UGT2A3: variants seen among roughly 807,000 people sequenced by gnomAD.
UGT2A3 encodes the protein UDP-glucuronosyltransferase 2A3.
In UGT2A3, 55 loss-of-function variants were observed where a neutral mutation model predicts 44.1. The ratio of observed to expected loss-of-function variants is 1.25; its 90% CI spans 1.00 to 1.56. The LOEUF is 1.56. UGT2A3 is among the 40% of genes most tolerant of loss of function. The probability of loss-of-function intolerance (pLI) is 0.00; values close to 1 mark genes in which losing one functional copy is unlikely to be tolerated. For synonymous variants in UGT2A3, 243 were observed against 215.1 expected, an observed-to-expected ratio of 1.13 and a Z score of -1.13; for missense variants, 733 against 621.6, an observed-to-expected ratio of 1.18 and a Z score of -1.91.
At chr4:68,944,896 A>G (rs1441693362) in intron 2 of UGT2A3, among the ~76,000 whole-genome samples, 1 of 151,624 alleles carries the variant, frequency 6.6e-6, no homozygotes, top group Non-Finnish European at 1.5e-5. Context: ...CTCACTCACC[A>G]ACTCCTGTGG....
intron 1 of UGT2A3, 86 bp downstream of exon 1, chr4:68,950,960 C>CAT: frequency 2.2e-6 from 2 of 918,536 alleles, no homozygotes; most frequent in East Asian, 2.8e-5. Context: ...CATTGACCTG[C>CAT]ATATATATGT....
chr4:68,930,433 A>C, intron 5 of UGT2A3, 113 bp downstream of exon 5: 2 of 1,029,048 alleles, frequency 1.9e-6, no homozygotes, highest in Non-Finnish European at 2.8e-6. Flanking sequence ...GAATGACTCA[A>C]TATTGTGGAG....
intron 2 of UGT2A3, among the ~76,000 whole-genome samples, chr4:68,944,683 C>T (rs80018150): frequency 0.21 from 31,874 of 151,586 alleles, 3,489 homozygotes; most frequent in East Asian, 0.34. Context: ...TTGTTTTTCT[C>T]AAATGGCTTT....
intron 2 of UGT2A3, chr4:68,943,314 C>T: frequency 7.9e-7 from 1 of 1,269,884 alleles, no homozygotes. Context: ...AGCTCTCCTT[C>T]TGTATTTCTA....
At chr4:68,930,272 G>A (rs1359633286) in intron 5 of UGT2A3, among the ~76,000 whole-genome samples, 180 bp from the exon 6 acceptor site, 1 of 152,054 alleles carries the variant, frequency 6.6e-6, no homozygotes, top group Non-Finnish European at 1.5e-5. Flanking sequence ...TGGAGAGACT[G>A]AAAGAGTATA....
intron 1 of UGT2A3, among the ~76,000 whole-genome samples, chr4:68,948,213 T>C (rs1718451035): frequency 1.3e-5 from 2 of 151,810 alleles, no homozygotes; most frequent in Admixed American, 1.3e-4. Context: ...TCTGCATGAC[T>C]TCCTATTGCT....
At chr4:68,948,899 G>C (rs1718480769) in intron 1 of UGT2A3, among the ~76,000 whole-genome samples, 1 of 151,740 alleles carries the variant, frequency 6.6e-6, no homozygotes, top group Non-Finnish European at 1.5e-5. Context: ...CAAGAGGCAT[G>C]GCACCAACAT....
chr4:68,934,208 A>T (rs185936081), intron 2 of UGT2A3, among the ~76,000 whole-genome samples: 1 of 152,146 alleles, frequency 6.6e-6, no homozygotes, highest in East Asian at 1.9e-4. Flanking sequence ...AAAACAAAAG[A>T]AACTTGGAAA....
At chr4:68,943,756 T>C (rs991502712) in intron 2 of UGT2A3, among the ~76,000 whole-genome samples, 1 of 151,802 alleles carries the variant, frequency 6.6e-6, no homozygotes, top group African/African-American at 2.4e-5. Context: ...CACTGCCTCC[T>C]GGTAACCACC....
chr4:68,942,504 G>GATATATATATATATATATATATATAT (rs34118122), intron 2 of UGT2A3, among the ~76,000 whole-genome samples: 5 of 131,020 alleles, frequency 3.8e-5, no homozygotes, highest in Admixed American at 8.5e-5. Flanking sequence ...TTCCACTGGA[G>GATATATATATATATATATATATATAT]ATATATATAT....
intron 2 of UGT2A3, among the ~76,000 whole-genome samples, chr4:68,944,258 A>G (rs1463007606): frequency 6.6e-6 from 1 of 151,770 alleles, no homozygotes; most frequent in African/African-American, 2.4e-5. Context: ...CTTCCAGTGT[A>G]AACAAGTTCC....
rs552555637 is a variant in UGT2A3 at position 68,932,843 on chromosome 4, A to G, written c.865-84T>C. 22 of 1,340,168 alleles carry G rather than the reference A, an allele frequency of 1.6e-5. No individual in the cohort carries two copies. In the South Asian group the frequency reaches 2.9e-4, roughly 18 times the overall value. 83.0% of individuals were successfully genotyped at this position (1,340,168 alleles called of 1,614,324 possible). On this transcript the variant is annotated intron_variant, in intron 2 of 5. Transcript: ENST00000251566. ...GGTTACTTACACTTCTAAAATAAAT[A>G]CTTGAGAAATTATTAATGTGTAGTT...
At chr4:68,935,276 G>GTATATATATATATATATATATA (rs57286694) in intron 2 of UGT2A3, among the ~76,000 whole-genome samples, 3 of 60,136 alleles carry the variant, frequency 5.0e-5, no homozygotes, top group African/African-American at 1.0e-4. Context: ...ATGTATGTAT[G>GTATATATATATATATATATATA]TATATATATA....
chr4:68,943,258 G>T, intron 2 of UGT2A3: 1 of 1,103,884 alleles, frequency 9.1e-7, no homozygotes, highest in Non-Finnish European at 1.2e-6. Context: ...TGGGAATAAA[G>T]GGTAGAATGG....
chr4:68,929,526 G>A lies in UGT2A3; in HGVS notation c.*287C>T. On this transcript the variant is annotated 3_prime_UTR_variant, in exon 6 of 6. Transcript: ENST00000251566. Reference sequence around the variant, plus strand: ...TATTGCATGTCACCCTATCACTTAAGGTTATAGAAGTAATGACATCATCAA... The same window carrying A: ...TATTGCATGTCACCCTATCACTTAAAGTTATAGAAGTAATGACATCATCAA... The A allele has an allele frequency of 4.0e-6, 1 of 249,628 alleles. No individual in the cohort carries two copies. The highest frequency in any genetic ancestry group is 1.1e-4 in the South Asian group (1 of 9,144). The allele number at this position is 249,628 out of a possible 1,614,324, so 15.5% of individuals were successfully genotyped here. A position where few individuals can be genotyped will look rare whatever the true frequency, so the allele number is the denominator to read the frequency against.
chr4:68,951,515 G>T lies in UGT2A3; in HGVS notation c.246C>A (p.Asp82Glu). ...CAAATATTTCATTTTCTTCTGTTCT[G>T]TCCTGTGGCATATGGACCACCTCAA... ...LKFEVVHMPQ[D>E]RTEENEIFVD... is the part of the protein sequence containing the mutation. The change falls in exon 1 of 6, where the codon GAC becomes GAA. Residue 82 changes from aspartate (D) to glutamate (E), a missense_variant. Physicochemically the swap from Asp to Glu is conservative, Grantham distance 45. Coordinates refer to ENST00000251566, the MANE Select transcript of UGT2A3 (RefSeq NM_024743.4). 6.2e-7 allele frequency: 1 copy of T among 1,612,852 alleles called. No homozygotes were observed. Among genetic ancestry groups the T allele is most frequent in the African/African-American group, 1.3e-5 (1 of 74,948 alleles).
At chr4:68,944,639 G>A (rs147490941) in intron 2 of UGT2A3, among the ~76,000 whole-genome samples, 6 of 151,736 alleles carry the variant, frequency 4.0e-5, no homozygotes, top group Admixed American at 1.3e-4. Context: ...GATAACTATC[G>A]ATATTTAGAT....
intron 1 of UGT2A3, 84 bp from the exon 2 acceptor site, chr4:68,945,538 A>G: frequency 7.9e-7 from 1 of 1,257,868 alleles, no homozygotes; most frequent in Non-Finnish European, 1.1e-6. Context: ...GCTATTAAGA[A>G]AAAAATAAGT....
At chr4:68,944,211 AAAG>A (rs1718298458) in intron 2 of UGT2A3, among the ~76,000 whole-genome samples, 1 of 151,858 alleles carries the variant, frequency 6.6e-6, no homozygotes, top group African/African-American at 2.4e-5. Flanking sequence ...TTGTAGGGAT[AAAG>A]AAGACATAGG....
Sources: gnomAD v4.1 joint callset for allele counts (sites outside exome capture counted in the v4.1 genomes callset) on GRCh38, gnomAD v4.1.1 for gene constraint, MANE v1.5 for transcripts, NCBI Gene and HGNC (gene_info 2026-07-23, HGNC 2026-07-21) for gene names.